The following RASSF9 variants were observed in gnomAD, a reference collection of about 807,000 sequenced individuals.
RASSF9 encodes the protein Ras association domain family member 9.
A neutral mutation model predicts 21.4 loss-of-function variants in RASSF9; 18 were observed. The observed-to-expected ratio is 0.84, with a 90% confidence interval of 0.58 to 1.25. RASSF9 has a LOEUF of 1.25. RASSF9 is among the 50% of genes most tolerant of loss of function. The pLI is 0.00. For synonymous variants in RASSF9, 183 were observed against 179.1 expected, an observed-to-expected ratio of 1.02 and a Z score of -0.18; for missense variants, 480 against 503.2, an observed-to-expected ratio of 0.95 and a Z score of 0.44.
chr12:85,802,755 C>T lies in RASSF9; in HGVS notation c.*1947G>A, dbSNP rs536539612. 17 of 152,164 alleles carry T rather than the reference C, an allele frequency of 1.1e-4. No homozygotes were observed. The highest frequency in any genetic ancestry group is 3.9e-4 in the East Asian group (2 of 5,174). The allele number at this position is 152,164 out of a possible 1,614,324, so 9.4% of individuals were successfully genotyped here. A position where few individuals can be genotyped will look rare whatever the true frequency, so the allele number is the denominator to read the frequency against. On this transcript the variant is annotated 3_prime_UTR_variant, in exon 2 of 2. Transcript: ENST00000361228. ...AATGATACAATGGGTTTATCATTTA[C>T]GATGATCTTCTGAATTTGATCCCCA... is the stretch of plus-strand genomic sequence containing the variant.
At chr12:85,806,207 C>A (rs976046933) in intron 1 of RASSF9, among the ~76,000 whole-genome samples, 32 of 145,750 alleles carry the variant, frequency 2.2e-4, no homozygotes, top group Non-Finnish European at 3.2e-4. Flanking sequence ...CCACCAGGCC[C>A]GGCTAATTTT....
chr12:85,836,333 A>T lies in RASSF9; in HGVS notation c.-132T>A. On this transcript the variant is annotated 5_prime_UTR_variant, in exon 1 of 2. An upstream open reading frame in the 5' UTR loses its in-frame stop. Transcript: ENST00000361228. Reference sequence around the variant, plus strand: ...TTCTCCTCGGATGTTCCTGGCTTTCAGCTCATTAGTAGCCGGCTGAGAAAG... The same window carrying T: ...TTCTCCTCGGATGTTCCTGGCTTTCTGCTCATTAGTAGCCGGCTGAGAAAG... 1 of 1,508,228 alleles carries T rather than the reference A, an allele frequency of 6.6e-7. No individual in the cohort carries two copies. Among genetic ancestry groups the T allele is most frequent in the South Asian group, 1.2e-5 (1 of 80,452 alleles). 93.4% of individuals were successfully genotyped at this position (1,508,228 alleles called of 1,614,324 possible). A position where few individuals can be genotyped will look rare whatever the true frequency, so the allele number is the denominator to read the frequency against.
chr12:85,831,043 C>A (rs1331901126), intron 1 of RASSF9, among the ~76,000 whole-genome samples: 1 of 152,028 alleles, frequency 6.6e-6, no homozygotes, highest in African/African-American at 2.4e-5. Flanking sequence ...GTGCAGATAT[C>A]ATGAGGTTTC....
chr12:85,833,784 C>CAAAGTA (rs1880504254), intron 1 of RASSF9, among the ~76,000 whole-genome samples: 1 of 151,802 alleles, frequency 6.6e-6, no homozygotes, highest in Non-Finnish European at 1.5e-5. Context: ...ATTTGTTATC[C>CAAAGTA]AAATTCTTAC....
rs544417582 is a variant in RASSF9, at chr12:85,824,354, ACT to A, written c.47+11799_47+11800del. Among the ~76,000 whole-genome samples the A allele has an allele frequency of 2.3e-3, 345 of 151,920 alleles. 2 individuals are homozygous for A. The highest frequency in any genetic ancestry group is 7.7e-3 in the African/African-American group (319 of 41,394). ...TCTCCTCTTACTTTAACAACCAATC[ACT>A]GTTTGTTTTATCCTTTCTCTTAAAT... On this transcript the variant is annotated intron_variant, in intron 1 of 1. Transcript: ENST00000361228.
chr12:85,819,944 A>ATTTTTT (rs1880170038), intron 1 of RASSF9, among the ~76,000 whole-genome samples: 1 of 152,134 alleles, frequency 6.6e-6, no homozygotes, highest in Non-Finnish European at 1.5e-5. Context: ...TGGTTCAGTT[A>ATTTTTT]TTTTTCTAGT....
At chr12:85,820,086 C>T (rs1880174055) in intron 1 of RASSF9, among the ~76,000 whole-genome samples, 1 of 152,128 alleles carries the variant, frequency 6.6e-6, no homozygotes, top group Non-Finnish European at 1.5e-5. Flanking sequence ...CAGGCCACCA[C>T]CAGTTTTTGT....
chr12:85,826,284 G>C lies in RASSF9; in HGVS notation c.47+9871C>G, dbSNP rs140596987. Among the ~76,000 whole-genome samples the C allele has an allele frequency of 1.2e-4, 18 of 152,106 alleles. No individual in the cohort carries two copies. In the East Asian group the frequency reaches 3.3e-3, roughly 28 times the overall value. The stretch of plus-strand genomic sequence containing the variant: ...CAGAACCAAAATCTAGTCACGAATG[G>C]TTCTTTTTTCCATCCTGATATTGGC... On this transcript the variant is annotated intron_variant, in intron 1 of 1. Transcript: ENST00000361228.
chr12:85,834,225 A>G (rs1160371579), intron 1 of RASSF9, among the ~76,000 whole-genome samples: 1 of 152,078 alleles, frequency 6.6e-6, no homozygotes, highest in East Asian at 1.9e-4. Context: ...AAAGGGAAAT[A>G]CTTTCATTAG....
chr12:85,815,159 C>T (rs1332637362), intron 1 of RASSF9, among the ~76,000 whole-genome samples: 3 of 150,862 alleles, frequency 2.0e-5, no homozygotes, highest in East Asian at 1.9e-4. Flanking sequence ...CACAACTGTA[C>T]GAAATGAGAG....
intron 1 of RASSF9, among the ~76,000 whole-genome samples, chr12:85,813,697 C>T (rs1337377351): frequency 3.3e-5 from 5 of 151,640 alleles, no homozygotes; most frequent in African/African-American, 1.2e-4. Flanking sequence ...TAAACTTTGG[C>T]TGAAATTTTA....
At chr12:85,812,059 T>C (rs1879966038) in intron 1 of RASSF9, among the ~76,000 whole-genome samples, 1 of 151,786 alleles carries the variant, frequency 6.6e-6, no homozygotes, top group African/African-American at 2.4e-5. Context: ...TTTAGTCATA[T>C]CTAAACTATG....
In RASSF9 at chr12:85,801,260, T is replaced by C. The variant is rs1245402355; in HGVS notation, c.*3442A>G. On this transcript the variant is annotated 3_prime_UTR_variant, in exon 2 of 2. Transcript: ENST00000361228. ...AACATTGATGCCACATTTAAAAAAA[T>C]CGTAGTAGCATGAAGATTTAATTTT... 6.6e-6 allele frequency: 1 copy of C among 152,164 alleles called. No homozygotes were observed. Among genetic ancestry groups the C allele is most frequent in the African/African-American group, 2.4e-5 (1 of 41,446 alleles). The allele number at this position is 152,164 out of a possible 1,614,324, so 9.4% of individuals were successfully genotyped here.
At chr12:85,811,273 G>A (rs1565752777) in intron 1 of RASSF9, among the ~76,000 whole-genome samples, 1 of 151,754 alleles carries the variant, frequency 6.6e-6, no homozygotes, top group Non-Finnish European at 1.5e-5. Flanking sequence ...TGGAATACTA[G>A]AGGAATAGGG....
intron 1 of RASSF9, among the ~76,000 whole-genome samples, chr12:85,815,548 A>G (rs1880044337): frequency 1.3e-5 from 2 of 151,842 alleles, no homozygotes; most frequent in South Asian, 2.1e-4. Flanking sequence ...ACTAATGTAC[A>G]CTCCTACCAA....
At position 85,804,230 on chromosome 12, in the gene RASSF9, C is replaced by G. The variant is rs1034277519; in HGVS notation, c.*472G>C. 6 of 153,500 alleles carry G rather than the reference C, an allele frequency of 3.9e-5. No homozygotes were observed. The highest frequency in any genetic ancestry group is 3.2e-4 in the Admixed American group (5 of 15,466). 9.5% of individuals were successfully genotyped at this position (153,500 alleles called of 1,614,324 possible). A position where few individuals can be genotyped will look rare whatever the true frequency, so the allele number is the denominator to read the frequency against. On this transcript the variant is annotated 3_prime_UTR_variant, in exon 2 of 2. Transcript: ENST00000361228. ...TCAAGGATCAATTAAAAGAACCAAA[C>G]TTTGAATTAATGCAGTTACAACACA...
Position 85,805,557 on chromosome 12 carries a change from A to C in RASSF9, c.453T>G (p.Thr151=), listed in dbSNP as rs373584269. The C allele has an allele frequency of 5.2e-5, 84 of 1,613,744 alleles. No individual in the cohort carries two copies. The Middle Eastern group carries it at 1.3e-3, about 25-fold the overall frequency. The change falls in exon 2 of 2, where the codon ACT becomes ACG. Residue 151 remains threonine, a synonymous_variant. Coordinates refer to ENST00000361228, the MANE Select transcript of RASSF9 (RefSeq NM_005447.4). ...WELSPANYMK[T]LPPDKQKRIV... ...TTCTTTTTTGTTTATCTGGTGGTAAAGTCTTCATGTAGTTTGCTGGGCTGA... is the reference window on the plus strand; with the variant it reads ...TTCTTTTTTGTTTATCTGGTGGTAACGTCTTCATGTAGTTTGCTGGGCTGA...
intron 1 of RASSF9, among the ~76,000 whole-genome samples, chr12:85,817,661 G>C (rs1880105301): frequency 6.6e-6 from 1 of 151,776 alleles, no homozygotes; most frequent in Non-Finnish European, 1.5e-5. Context: ...ACATGTATTT[G>C]TTAATGGAAC....
chr12:85,832,309 G>A (rs976202351), intron 1 of RASSF9, among the ~76,000 whole-genome samples: 1 of 151,740 alleles, frequency 6.6e-6, no homozygotes, highest in Non-Finnish European at 1.5e-5. Context: ...TTCTAGCAAG[G>A]TTTGGTGAAA....
Sources: gnomAD v4.1 joint callset for allele counts (sites outside exome capture counted in the v4.1 genomes callset) on GRCh38, gnomAD v4.1.1 for gene constraint, MANE v1.5 for transcripts, NCBI Gene and HGNC (gene_info 2026-07-23, HGNC 2026-07-21) for gene names.